The following CSMD3 variants were observed in gnomAD, a reference collection of about 807,000 sequenced individuals.
The protein encoded by CSMD3 is CUB and Sushi multiple domains 3, also known as CUB and sushi domain-containing protein 3.
Under a neutral mutation model 435.2 loss-of-function variants are expected in CSMD3, and 177 were observed. The observed-to-expected ratio is 0.41, with a 90% CI of 0.36 to 0.46. The LOEUF is 0.46. CSMD3 is among the 20% of genes least tolerant of loss of function. CSMD3 has a pLI of 0.34. For synonymous variants in CSMD3, 1,656 were observed against 1,520.5 expected, an observed-to-expected ratio of 1.09 and a Z score of -2.07; for missense variants, 4,265 against 4,504.6, an observed-to-expected ratio of 0.95 and a Z score of 1.52.
intron 4 of CSMD3, among the ~76,000 whole-genome samples, chr8:113,141,242 T>C (rs2091541029): frequency 6.6e-6 from 1 of 150,800 alleles, no homozygotes; most frequent in African/African-American, 2.4e-5. Context: ...TGAGGAATTC[T>C]ACCAAACGCA....
intron 2 of CSMD3, among the ~76,000 whole-genome samples, chr8:113,292,831 T>C (rs2093695452): frequency 6.6e-6 from 1 of 151,228 alleles, no homozygotes; most frequent in Non-Finnish European, 1.5e-5. Flanking sequence ...ACCAACCTAA[T>C]AAAAAATGAA....
intron 32 of CSMD3, among the ~76,000 whole-genome samples, chr8:112,451,198 C>T (rs1816226612): frequency 2.0e-5 from 3 of 151,400 alleles, no homozygotes; most frequent in African/African-American, 7.3e-5. Context: ...TACAAAATAC[C>T]AGAGAGAAAA....
At chr8:112,545,327 T>C (rs1234969544) in intron 27 of CSMD3, among the ~76,000 whole-genome samples, 1 of 151,012 alleles carries the variant, frequency 6.6e-6, no homozygotes, top group Non-Finnish European at 1.5e-5. Flanking sequence ...ACTAAAAATA[T>C]AGAAAATTAT....
intron 59 of CSMD3, among the ~76,000 whole-genome samples, chr8:112,280,510 G>A (rs564613743): frequency 4.5e-4 from 69 of 152,156 alleles, no homozygotes; most frequent in African/African-American, 1.5e-3. Flanking sequence ...GGGCTCAAGC[G>A]ATCTACACAT....
chr8:113,418,573 A>G (rs2094593669), intron 1 of CSMD3, among the ~76,000 whole-genome samples: 1 of 152,206 alleles, frequency 6.6e-6, no homozygotes, highest in Admixed American at 6.5e-5. Flanking sequence ...ACGGGCATAC[A>G]CATACATGCA....
intron 6 of CSMD3, among the ~76,000 whole-genome samples, chr8:112,987,953 G>A (rs112804705): frequency 2.0e-5 from 3 of 152,016 alleles, no homozygotes; most frequent in African/African-American, 7.2e-5. Flanking sequence ...TAGAGTTTGG[G>A]GAGAAGCAAT....
intron 12 of CSMD3, among the ~76,000 whole-genome samples, chr8:112,819,793 C>A (rs73702227): frequency 0.013 from 2,009 of 152,172 alleles, 46 homozygotes; most frequent in African/African-American, 0.046. Flanking sequence ...AGTATTTATA[C>A]TTTGATAGAC....
chr8:113,249,675 G>T (rs901042710), intron 3 of CSMD3, among the ~76,000 whole-genome samples: 1 of 151,806 alleles, frequency 6.6e-6, no homozygotes, highest in Admixed American at 6.6e-5. Flanking sequence ...AAAGAAATTC[G>T]ACTGCCTTAT....
intron 5 of CSMD3, among the ~76,000 whole-genome samples, chr8:113,068,891 G>GA (rs1332821578): frequency 6.6e-6 from 1 of 151,700 alleles, no homozygotes; most frequent in Non-Finnish European, 1.5e-5. Flanking sequence ...GCTGGGAAAT[G>GA]AAAAAATTCT....
chr8:112,562,542 T>A lies in CSMD3; in HGVS notation c.4043-5588A>T, dbSNP rs1279666867. ...TGTTAAAAAGGAAATTGGGAAAGTATGTTAGCTAAATACATTAGAGAAATA... is the reference window on the plus strand; with the variant it reads ...TGTTAAAAAGGAAATTGGGAAAGTAAGTTAGCTAAATACATTAGAGAAATA... On this transcript the variant is annotated intron_variant, in intron 24 of 70. Transcript: ENST00000297405. 3.3e-5 allele frequency among the ~76,000 whole-genome samples: 5 copies of A among 151,402 alleles called. No individual in the cohort carries two copies. The East Asian group carries it at 7.9e-4, about 24-fold the overall frequency.
chr8:112,420,535 T>C (rs1243119438), intron 32 of CSMD3, among the ~76,000 whole-genome samples: 2 of 152,168 alleles, frequency 1.3e-5, no homozygotes, highest in Admixed American at 1.3e-4. Context: ...ATACATTTCA[T>C]TCGATTGATG....
At chr8:112,295,748 A>G in intron 54 of CSMD3, 85 bp downstream of exon 54, 1 of 1,107,792 alleles carries the variant, frequency 9.0e-7, no homozygotes, top group Non-Finnish European at 1.3e-6. Flanking sequence ...ATAACAACAT[A>G]ATATATATAT....
At chr8:112,236,373 T>G (rs990967558) in intron 67 of CSMD3, among the ~76,000 whole-genome samples, 1 of 152,080 alleles carries the variant, frequency 6.6e-6, no homozygotes, top group African/African-American at 2.4e-5. Flanking sequence ...GAGGCCTATT[T>G]TGTTTCAGAT....
chr8:112,672,774 A>C lies in CSMD3; in HGVS notation c.2678-6359T>G, dbSNP rs539926891. On this transcript the variant is annotated intron_variant, in intron 16 of 70. Coordinates refer to ENST00000297405, the MANE Select transcript of CSMD3 (RefSeq NM_198123.2). The stretch of plus-strand genomic sequence containing the variant: ...CTAAGGCCTGAAGAACGTCTGTTAT[A>C]AATAATGTGAGTTTGAGTGCTGGCT... 2.0e-5 allele frequency among the ~76,000 whole-genome samples: 3 copies of C among 152,242 alleles called. No individual in the cohort carries two copies. In the East Asian group the frequency reaches 5.8e-4, roughly 29 times the overall value.
intron 13 of CSMD3, among the ~76,000 whole-genome samples, chr8:112,705,606 G>A (rs2076482742): frequency 6.6e-6 from 1 of 151,838 alleles, no homozygotes; most frequent in Admixed American, 6.6e-5. Flanking sequence ...CCTAAAAAGG[G>A]TAGAGGAGAA....
chr8:113,031,290 A>G (rs945128659), intron 5 of CSMD3, among the ~76,000 whole-genome samples: 2 of 151,762 alleles, frequency 1.3e-5, no homozygotes, highest in Non-Finnish European at 2.9e-5. Context: ...TAGCATATCC[A>G]TATCATGGAA....
At chr8:113,337,596 T>A (rs537887540) in intron 1 of CSMD3, among the ~76,000 whole-genome samples, 148 of 152,144 alleles carry the variant, frequency 9.7e-4, no homozygotes, top group African/African-American at 3.4e-3. Context: ...GATCTGACAC[T>A]GAAAGCACAA....
chr8:112,542,952 A>G (rs892690141), intron 27 of CSMD3, among the ~76,000 whole-genome samples: 1 of 152,122 alleles, frequency 6.6e-6, no homozygotes, highest in Non-Finnish European at 1.5e-5. Flanking sequence ...CAGGGCAACA[A>G]AAAGGTGTGG....
chr8:112,273,665 G>A (rs551710013), intron 59 of CSMD3, among the ~76,000 whole-genome samples: 1 of 148,898 alleles, frequency 6.7e-6, no homozygotes, highest in East Asian at 2.0e-4. Flanking sequence ...GGTGGAGTTT[G>A]CAGTGAGCCG....
Sources: allele counts gnomAD v4.1 joint callset (sites outside exome capture counted in the v4.1 genomes callset), GRCh38; gene constraint gnomAD v4.1.1; transcripts MANE v1.5; gene names NCBI Gene and HGNC (gene_info 2026-07-23, HGNC 2026-07-21).